Variants in REDIC1 observed in about 807,000 individuals in gnomAD.
REDIC1 encodes the protein regulator of DNA class I crossover intermediates 1.
At chr12:39,777,641 GAC>G in the REDIC1 span, among the ~76,000 whole-genome samples, 4 of 152,154 alleles carry the variant, frequency 2.6e-5, no homozygotes, top group African/African-American at 9.7e-5. Flanking sequence ...CTAGCAGGGA[GAC>G]ACACAGGTGG....
At chr12:39,669,818 G>T in the REDIC1 span, among the ~76,000 whole-genome samples, 2 of 152,216 alleles carry the variant, frequency 1.3e-5, no homozygotes, top group African/African-American at 4.8e-5. Context: ...CTAGCTATGA[G>T]TGAGGCTCCA....
the REDIC1 span, among the ~76,000 whole-genome samples, chr12:39,900,818 CA>C: frequency 6.6e-6 from 1 of 152,170 alleles, no homozygotes; most frequent in African/African-American, 2.4e-5. Context: ...TGACTTTCTT[CA>C]CAGAATTGGA....
the REDIC1 span, among the ~76,000 whole-genome samples, chr12:39,896,236 GTATA>G: frequency 4.0e-5 from 4 of 99,480 alleles, no homozygotes; most frequent in African/African-American, 1.1e-4. Flanking sequence ...ATGCATATGT[GTATA>G]TATGTATACA....
At chr12:39,636,549 A>G in the REDIC1 span, among the ~76,000 whole-genome samples, 21 of 152,174 alleles carry the variant, frequency 1.4e-4, no homozygotes, top group East Asian at 3.3e-3. Flanking sequence ...TTTTAAATTA[A>G]TATTAATTTC....
the REDIC1 span, among the ~76,000 whole-genome samples, chr12:39,839,990 G>A: frequency 6.6e-6 from 1 of 151,894 alleles, no homozygotes; most frequent in Admixed American, 6.6e-5. Context: ...TCAATTCTAT[G>A]TCTCAAGCAT....
the REDIC1 span, among the ~76,000 whole-genome samples, chr12:39,783,897 G>A: frequency 6.6e-6 from 1 of 152,134 alleles, no homozygotes; most frequent in Non-Finnish European, 1.5e-5. Flanking sequence ...CAAAATCAAT[G>A]TGCAAAAATC....
the REDIC1 span, among the ~76,000 whole-genome samples, chr12:39,894,624 A>C: frequency 6.6e-6 from 1 of 152,354 alleles, no homozygotes; most frequent in East Asian, 1.9e-4. Flanking sequence ...AGGGAAAATA[A>C]AATTAAACTG....
the REDIC1 span, among the ~76,000 whole-genome samples, chr12:39,821,399 G>A: frequency 6.6e-6 from 1 of 151,648 alleles, no homozygotes; most frequent in Non-Finnish European, 1.5e-5. Flanking sequence ...AACAGAGCAA[G>A]ACTCCGTCTC....
At chr12:39,761,629 G>C in the REDIC1 span, among the ~76,000 whole-genome samples, 1 of 7,966 alleles carries the variant, frequency 1.3e-4, no homozygotes, top group Admixed American at 1.7e-3. Context: ...GGGGAATTTT[G>C]ACAAAAAAAA....
chr12:39,734,174 C>T, the REDIC1 span, among the ~76,000 whole-genome samples: 5 of 152,136 alleles, frequency 3.3e-5, no homozygotes, highest in Non-Finnish European at 7.4e-5. Context: ...GTTCCCAGAC[C>T]CTTTGCGCTT....
chr12:39,781,181 A>C, the REDIC1 span, among the ~76,000 whole-genome samples: 1 of 152,224 alleles, frequency 6.6e-6, no homozygotes, highest in South Asian at 2.1e-4. Flanking sequence ...AAAACTGAGA[A>C]AATCTATCTC....
At chr12:39,721,258 A>C in the REDIC1 span, 1 of 1,604,220 alleles carries the variant, frequency 6.2e-7, no homozygotes, top group East Asian at 2.2e-5. Context: ...CTAATATTCT[A>C]AAATCTCTAC....
At chr12:39,628,984 A>G in the REDIC1 span, among the ~76,000 whole-genome samples, 1 of 152,148 alleles carries the variant, frequency 6.6e-6, no homozygotes, top group Non-Finnish European at 1.5e-5. Context: ...CCTCCATCCT[A>G]TGCTGTATAG....
At chr12:39,705,999 C>T in the REDIC1 span, among the ~76,000 whole-genome samples, 9 of 151,852 alleles carry the variant, frequency 5.9e-5, no homozygotes, top group African/African-American at 1.9e-4. Context: ...AAATAAAGGG[C>T]ATCCAAATTG....
At chr12:39,657,051 G>A in the REDIC1 span, among the ~76,000 whole-genome samples, 1 of 152,156 alleles carries the variant, frequency 6.6e-6, no homozygotes, top group African/African-American at 2.4e-5. Context: ...ATAGTCTACA[G>A]TAGTGTATAG....
chr12:39,784,108 A>C, the REDIC1 span, among the ~76,000 whole-genome samples: 3 of 152,246 alleles, frequency 2.0e-5, no homozygotes, highest in African/African-American at 7.2e-5. Flanking sequence ...TTCCATGCTC[A>C]TGGATAGGAA....
the REDIC1 span, among the ~76,000 whole-genome samples, chr12:39,676,210 A>G: frequency 3.3e-5 from 5 of 151,840 alleles, no homozygotes; most frequent in African/African-American, 1.2e-4. Flanking sequence ...AAAAAACCAG[A>G]TATGGATGAA....
the REDIC1 span, chr12:39,683,603 G>T: frequency 1.4e-6 from 1 of 711,902 alleles, no homozygotes; most frequent in Non-Finnish European, 2.3e-6. Context: ...CAGGCAACCT[G>T]GTCTCAAAGG....
chr12:39,858,683 T>A, the REDIC1 span, among the ~76,000 whole-genome samples: 2 of 152,208 alleles, frequency 1.3e-5, no homozygotes, highest in Non-Finnish European at 2.9e-5. Flanking sequence ...CTCGGCTCAC[T>A]GCAACCTCCG....
Sources: allele counts gnomAD v4.1 joint callset (sites outside exome capture counted in the v4.1 genomes callset), GRCh38; gene constraint gnomAD v4.1.1; transcripts MANE v1.5; gene names NCBI Gene and HGNC (gene_info 2026-07-23, HGNC 2026-07-21).